Variants in MAST4 observed in about 807,000 individuals in gnomAD.
The protein encoded by MAST4 is microtubule associated serine/threonine kinase family member 4.
In MAST4, 89 loss-of-function variants were observed where a neutral mutation model predicts 162.7. The ratio of observed to expected loss-of-function variants is 0.55; its 90% CI spans 0.46 to 0.65. The LOEUF is 0.65. Ranked by LOEUF, MAST4 falls within the 30% of genes least tolerant of loss-of-function variation. The pLI is 0.00. For missense variants in MAST4, 3,153 were observed against 3,374.0 expected (o/e 0.93, Z 1.62); for synonymous variants, 1,479 against 1,361.1 (o/e 1.09, Z -1.91).
At chr5:66,726,961 A>T (rs1751561448) in intron 1 of MAST4, among the ~76,000 whole-genome samples, 1 of 152,034 alleles carries the variant, frequency 6.6e-6, no homozygotes, top group Non-Finnish European at 1.5e-5. Context: ...ATTTAAGGGG[A>T]CCCATACAAT....
At chr5:66,696,098 G>A (rs1285705453) in intron 1 of MAST4, among the ~76,000 whole-genome samples, 1 of 152,078 alleles carries the variant, frequency 6.6e-6, no homozygotes, top group Non-Finnish European at 1.5e-5. Context: ...AACTAACACA[G>A]GAACAGAAAA....
chr5:67,150,787 G>T (rs560700807), intron 24 of MAST4, among the ~76,000 whole-genome samples: 7 of 152,282 alleles, frequency 4.6e-5, no homozygotes, highest in Admixed American at 1.3e-4. Context: ...TTCCCTGCCT[G>T]CCAGCATGCA....
At chr5:66,985,408 C>A (rs190309976) in intron 4 of MAST4, among the ~76,000 whole-genome samples, 1 of 152,108 alleles carries the variant, frequency 6.6e-6, no homozygotes, top group African/African-American at 2.4e-5. Flanking sequence ...CCTTAACATG[C>A]CAGCAGCTTG....
intron 4 of MAST4, among the ~76,000 whole-genome samples, chr5:66,946,053 T>C (rs1335542592): frequency 6.6e-6 from 1 of 152,124 alleles, no homozygotes; most frequent in Non-Finnish European, 1.5e-5. Flanking sequence ...TCTTCCTGTC[T>C]TTAAAATGTG....
intron 4 of MAST4, among the ~76,000 whole-genome samples, chr5:67,027,854 G>A (rs1006486527): frequency 6.6e-6 from 1 of 152,176 alleles, no homozygotes; most frequent in African/African-American, 2.4e-5. Flanking sequence ...TGGAGATGAA[G>A]CTTGGAATTT....
intron 5 of MAST4, among the ~76,000 whole-genome samples, chr5:67,078,930 A>T (rs1267949284): frequency 4.8e-5 from 3 of 63,110 alleles, no homozygotes; most frequent in African/African-American, 8.3e-5. Context: ...ATATATATAT[A>T]TATATATATA....
intron 1 of MAST4, among the ~76,000 whole-genome samples, chr5:66,729,149 G>A (rs537639918): frequency 4.1e-4 from 63 of 152,192 alleles, no homozygotes; most frequent in Non-Finnish European, 7.3e-4. Context: ...GGGTAAGTGT[G>A]TGTGTTTTAT....
intron 27 of MAST4, 34 bp downstream of exon 27, chr5:67,160,626 G>T: frequency 6.3e-7 from 1 of 1,594,910 alleles, no homozygotes; most frequent in Non-Finnish European, 8.5e-7. Flanking sequence ...TAAGTTTGGT[G>T]TATACCTATG....
At chr5:66,821,350 T>A (rs756684535) in intron 3 of MAST4, among the ~76,000 whole-genome samples, 23 of 152,304 alleles carry the variant, frequency 1.5e-4, no homozygotes, top group Non-Finnish European at 2.8e-4. Flanking sequence ...GTTAGAACTT[T>A]ATTTTAAAAT....
chr5:66,929,466 T>G (rs986332231), intron 4 of MAST4, among the ~76,000 whole-genome samples: 4 of 152,162 alleles, frequency 2.6e-5, no homozygotes, highest in Non-Finnish European at 5.9e-5. Flanking sequence ...AAAGACACAC[T>G]CAGAAATAAT....
At chr5:66,879,347 C>T (rs25833) in intron 3 of MAST4, among the ~76,000 whole-genome samples, 41,945 of 137,418 alleles carry the variant, frequency 0.31, 6,066 homozygotes, top group East Asian at 0.53. Context: ...AAAATATATA[C>T]ACACACACAC....
chr5:66,665,590 G>A (rs1028751272), intron 1 of MAST4, among the ~76,000 whole-genome samples: 5 of 152,072 alleles, frequency 3.3e-5, no homozygotes, highest in African/African-American at 1.2e-4. Context: ...CCCCAACCCC[G>A]ACAGACTTCT....
intron 1 of MAST4, among the ~76,000 whole-genome samples, chr5:66,615,274 C>T (rs887763478): frequency 4.6e-5 from 7 of 152,118 alleles, no homozygotes; most frequent in East Asian, 1.9e-4. Flanking sequence ...CAGCATGAGG[C>T]AACAGAGGAC....
chr5:66,924,462 C>A (rs1480736714), intron 4 of MAST4, among the ~76,000 whole-genome samples: 1 of 150,716 alleles, frequency 6.6e-6, no homozygotes, highest in South Asian at 2.1e-4. Context: ...GGCGCGATCT[C>A]GGCTCGCTGC....
chr5:67,079,278 A>G (rs1762321311), intron 5 of MAST4, among the ~76,000 whole-genome samples: 1 of 152,068 alleles, frequency 6.6e-6, no homozygotes, highest in African/African-American at 2.4e-5. Flanking sequence ...TTGGTGCTGA[A>G]AGGTGATAAT....
chr5:66,916,617 A>G (rs967639676), intron 4 of MAST4, among the ~76,000 whole-genome samples: 13 of 152,204 alleles, frequency 8.5e-5, no homozygotes, highest in African/African-American at 2.9e-4. Context: ...TCATTGTTAG[A>G]CTGGTGTGTA....
At chr5:66,954,651 A>G (rs1313134126) in intron 4 of MAST4, among the ~76,000 whole-genome samples, 1 of 152,234 alleles carries the variant, frequency 6.6e-6, no homozygotes, top group African/African-American at 2.4e-5. Flanking sequence ...ATGTGATCCC[A>G]GCACTTTGGG....
In MAST4 at chr5:66,695,308, G is replaced by A. The variant is rs1187007077; in HGVS notation, c.364-64401G>A. ...ATTGCTTGTTTTTGTCAGGTTTGCC[G>A]AAGATCGGATGGTTGTAGATGTGTG... is the stretch of plus-strand genomic sequence containing the variant. On this transcript the variant is annotated intron_variant, in intron 1 of 28. Transcript: ENST00000403625. Among the ~76,000 whole-genome samples the A allele has an allele frequency of 5.3e-5, 8 of 152,210 alleles. No homozygotes were observed. The East Asian group carries it at 5.8e-4, about 11-fold the overall frequency.
chr5:66,965,784 A>C (rs1273058216), intron 4 of MAST4, among the ~76,000 whole-genome samples: 1 of 152,220 alleles, frequency 6.6e-6, no homozygotes, highest in East Asian at 1.9e-4. Flanking sequence ...TAAGGCCTTG[A>C]ATACTAAAGC....
Sources: allele counts gnomAD v4.1 joint callset (sites outside exome capture counted in the v4.1 genomes callset), GRCh38; gene constraint gnomAD v4.1.1; transcripts MANE v1.5; gene names NCBI Gene and HGNC (gene_info 2026-07-23, HGNC 2026-07-21).